Variants in KIAA2013 observed in about 807,000 individuals in gnomAD.
The protein encoded by KIAA2013 is uncharacterized protein KIAA2013.
KIAA2013 carries 20 observed loss-of-function variants against 39.9 expected under a neutral mutation model. The observed-to-expected ratio is 0.50, with a 90% CI of 0.35 to 0.73. The LOEUF (loss-of-function observed/expected upper bound fraction) is 0.73. Ranked by LOEUF, KIAA2013 falls within the 30% of genes least tolerant of loss-of-function variation. KIAA2013 has a pLI of 0.01. For synonymous variants in KIAA2013, 336 were observed against 416.6 expected (o/e 0.81, Z 2.35); for missense variants, 587 against 856.1 (o/e 0.69, Z 3.92).
Position 11,925,657 on chromosome 1 carries a change from G to A in KIAA2013, c.581C>T (p.Ala194Val). ...GTAGACGTGGGGTCGGCCCCTGTGC[G>A]CCAGAAAGTCCTCTTGCAGCAGCAC... ...DCVLLQEDFLAHRGRPHVYLQ... is the reference protein window; with the variant it reads ...DCVLLQEDFLVHRGRPHVYLQ... The change falls in exon 1 of 3, where the codon GCG becomes GTG. Residue 194 changes from alanine (A) to valine (V), a missense_variant. Coordinates refer to ENST00000376572, the MANE Select transcript of KIAA2013 (RefSeq NM_138346.3). This position sits in a 1 kb window ranked among gnomAD's most constrained non-coding sequence, Gnocchi z 5.2. 3.1e-6 allele frequency: 5 copies of A among 1,607,770 alleles called. No individual in the cohort carries two copies. Among genetic ancestry groups the A allele is most frequent in the African/African-American group, 1.3e-5 (1 of 74,988 alleles).
chr1:11,925,451 C>G lies in KIAA2013; in HGVS notation c.787G>C (p.Val263Leu), dbSNP rs771702410. Residue 263 changes from valine to leucine, a missense_variant, in exon 1 of 3, where the codon GTG becomes CTG. Val to Leu is a conservative substitution (Grantham distance 32). Transcript: ENST00000376572. The surrounding 1 kb of genome is among the most constrained non-coding windows in gnomAD (Gnocchi z 5.2). ...PTPTGLVHLV[V>L]VAAKKLVNRL... The stretch of plus-strand genomic sequence containing the variant: ...TTCACCAGCTTCTTGGCGGCCACCA[C>G]CACCAGGTGCACCAACCCAGTGGGC... 44 of 1,611,322 alleles carry G rather than the reference C, an allele frequency of 2.7e-5. No individual in the cohort carries two copies. The highest frequency in any genetic ancestry group is 4.2e-6 in the Non-Finnish European group (5 of 1,178,878).
chr1:11,925,255 G>A lies in KIAA2013; in HGVS notation c.983C>T (p.Ala328Val), dbSNP rs552307771. The A allele has an allele frequency of 1.1e-4, 183 of 1,608,596 alleles. 1 individual carries two copies. The South Asian group carries it at 1.8e-3, about 16-fold the overall frequency. The change falls in exon 1 of 3, where the codon GCG becomes GTG. Residue 328 changes from alanine (A) to valine (V), a missense_variant. Physicochemically the swap from Ala to Val is moderately conservative, Grantham distance 64. Transcript: ENST00000376572. This position sits in a 1 kb window ranked among gnomAD's most constrained non-coding sequence, Gnocchi z 5.2. ...GAGCTGGTGGTCTTGAAGCAGCTCC[G>A]CCGCTGGCATGTCCAAGAGCTCCAG... ...EMLELLDMPA[A>V]ELLQDHQLLW... is the part of the protein sequence containing the mutation.
intron 2 of KIAA2013, among the ~76,000 whole-genome samples, chr1:11,921,922 A>C (rs569095888): frequency 6.6e-6 from 1 of 152,206 alleles, no homozygotes; most frequent in African/African-American, 2.4e-5. Flanking sequence ...ATCACAGCTC[A>C]CTGCAGTCTC....
chr1:11,921,893 G>T (rs1469142841), intron 2 of KIAA2013, among the ~76,000 whole-genome samples: 1 of 152,010 alleles, frequency 6.6e-6, no homozygotes, highest in African/African-American at 2.4e-5. Context: ...TGTCACCTGG[G>T]ATGGAGTGCA....
At position 11,919,638 on chromosome 1, in the gene KIAA2013, G is replaced by A. The variant is rs1056095484; in HGVS notation, c.*677C>T. On this transcript the variant is annotated 3_prime_UTR_variant, in exon 3 of 3. Coordinates refer to ENST00000376572, the MANE Select transcript of KIAA2013 (RefSeq NM_138346.3). The stretch of plus-strand genomic sequence containing the variant: ...TTAAAAACAGAACAAAAAAGCTTTG[G>A]TATTTCAAAACCTGACAATCATCAA... 1 of 152,238 alleles carries A rather than the reference G, an allele frequency of 6.6e-6. No individual in the cohort carries two copies. The highest frequency in any genetic ancestry group is 2.4e-5 in the African/African-American group (1 of 41,422). The allele number at this position is 152,238 out of a possible 1,614,324, so 9.4% of individuals were successfully genotyped here. A position where few individuals can be genotyped will look rare whatever the true frequency, so the allele number is the denominator to read the frequency against.
chr1:11,925,725 G>T lies in KIAA2013; in HGVS notation c.513C>A (p.Pro171=), dbSNP rs1346253880. The part of the protein sequence containing the change: ...GPGPVAAGPG[P]ASVSGLAAGS... Reference sequence around the variant, plus strand: ...CCGCGGCAAGGCCAGAGACGGAGGCGGGCCCGGGGCCGGCGGCCACGGGGC... The same window carrying T: ...CCGCGGCAAGGCCAGAGACGGAGGCTGGCCCGGGGCCGGCGGCCACGGGGC... The change falls in exon 1 of 3, where the codon CCC becomes CCA. Residue 171 remains proline (P), a synonymous_variant. Coordinates refer to ENST00000376572, the MANE Select transcript of KIAA2013 (RefSeq NM_138346.3). This position sits in a 1 kb window ranked among gnomAD's most constrained non-coding sequence, Gnocchi z 5.2. 13 of 1,552,082 alleles carry T rather than the reference G, an allele frequency of 8.4e-6. No homozygotes were observed. Among genetic ancestry groups the T allele is most frequent in the Non-Finnish European group, 1.0e-5 (12 of 1,157,658 alleles).
At position 11,925,531 on chromosome 1, in the gene KIAA2013, A is replaced by T. The variant is rs777282550; in HGVS notation, c.707T>A (p.Leu236Gln). The T allele has an allele frequency of 8.1e-6, 13 of 1,604,486 alleles. No individual in the cohort carries two copies. Reference protein sequence around the residue: ...GPAPKAFTSTLEKVGDHQFLL... With the variant: ...GPAPKAFTSTQEKVGDHQFLL... ...GAACTGATGGTCTCCGACCTTCTCC[A>T]GGGTACTGGTGAAGGCCTTGGGGGC... Residue 236 changes from leucine (L) to glutamine (Q), a missense_variant, in exon 1 of 3, where the codon CTG (leucine) becomes CAG (glutamine). By Grantham distance (113) the Leu-to-Gln change is moderately radical. Transcript: ENST00000376572. The surrounding 1 kb of genome is among the most constrained non-coding windows in gnomAD (Gnocchi z 5.2).
At chr1:11,924,884 C>A (rs1293231475) in intron 1 of KIAA2013, among the ~76,000 whole-genome samples, 4 of 152,184 alleles carry the variant, frequency 2.6e-5, no homozygotes, top group African/African-American at 9.7e-5. Flanking sequence ...CCTCTGCAAA[C>A]TGACTCTAAA....
At chr1:11,924,987 AAAAC>A (rs1278954896) in intron 1 of KIAA2013, among the ~76,000 whole-genome samples, 2 of 152,210 alleles carry the variant, frequency 1.3e-5, no homozygotes, top group African/African-American at 2.4e-5. Context: ...CAGTCTCATA[AAAAC>A]CTTCTGAGGT....
Position 11,925,209 on chromosome 1 carries a change from G to A in KIAA2013, c.1029C>T (p.Ser343=), listed in dbSNP as rs1645498315. 1.9e-6 allele frequency: 3 copies of A among 1,578,202 alleles called. No homozygotes were observed. The highest frequency in any genetic ancestry group is 1.3e-5 in the African/African-American group (1 of 74,144). The change falls in exon 1 of 3, where the codon AGC becomes AGT. Residue 343 remains serine, a synonymous_variant. Transcript: ENST00000376572. This position sits in a 1 kb window ranked among gnomAD's most constrained non-coding sequence, Gnocchi z 5.2. Reference sequence around the variant, plus strand: ...CAAGCGCTGGCCAGGACTCACCTGGGCTGAAGAGCTGAGCCCAGAGGAGCT... The same window carrying A: ...CAAGCGCTGGCCAGGACTCACCTGGACTGAAGAGCTGAGCCCAGAGGAGCT... The part of the protein sequence containing the change: ...DHQLLWAQLF[S]PGVEMKKITD...
Position 11,925,687 on chromosome 1 carries a change from T to A in KIAA2013, c.551A>T (p.Asp184Val), listed in dbSNP as rs751115982. The change falls in exon 1 of 3, where the codon GAC becomes GTC. Residue 184 changes from aspartate (D) to valine (V), a missense_variant. By Grantham distance (152) the Asp-to-Val change is radical. Transcript: ENST00000376572. This position sits in a 1 kb window ranked among gnomAD's most constrained non-coding sequence, Gnocchi z 5.2. ...VSGLAAGSGR[D>V]CVLLQEDFLA... Reference sequence around the variant, plus strand: ...AAAGTCCTCTTGCAGCAGCACGCAGTCGCGGCCGGACCCCGCGGCAAGGCC... The same window carrying A: ...AAAGTCCTCTTGCAGCAGCACGCAGACGCGGCCGGACCCCGCGGCAAGGCC... 6.3e-7 allele frequency: 1 copy of A among 1,597,450 alleles called. No individual in the cohort carries two copies. Among genetic ancestry groups the A allele is most frequent in the South Asian group, 1.1e-5 (1 of 89,102 alleles).
intron 2 of KIAA2013, among the ~76,000 whole-genome samples, chr1:11,921,292 A>T (rs1471062966): frequency 6.6e-6 from 1 of 152,182 alleles, no homozygotes; most frequent in Non-Finnish European, 1.5e-5. Flanking sequence ...ACAGTCTTGC[A>T]GCAATGATGG....
In KIAA2013 at chr1:11,926,115, C is replaced by T. The variant is rs1012693864; in HGVS notation, c.123G>A (p.Arg41=). 27 of 1,402,670 alleles carry T rather than the reference C, an allele frequency of 1.9e-5. No homozygotes were observed. In the African/African-American group the frequency reaches 3.3e-4, roughly 17 times the overall value. 86.9% of individuals were successfully genotyped at this position (1,402,670 alleles called of 1,614,324 possible). A position where few individuals can be genotyped will look rare whatever the true frequency, so the allele number is the denominator to read the frequency against. ...GCAGGTGCAGGCCGCCCGCCGCCCG[C>T]CGCGCGCCGGACCCCCCAAACCACA... The part of the protein sequence containing the change: ...LLLWFGGSGA[R]RAAGGLHLLP... Residue 41 remains arginine, a synonymous_variant, in exon 1 of 3, where the codon CGG becomes CGA. Transcript: ENST00000376572.
rs33910280 is a variant in KIAA2013 at position 11,922,984 on chromosome 1, G to A, written c.1539C>T (p.Ser513=). ...CATAGATCTTGACAGGCTGGCCACG[G>A]GACTCCACGGACACGTGTAGGTAGG... is the stretch of plus-strand genomic sequence containing the variant. The part of the protein sequence containing the change: ...GKPYLHVSVE[S]RGQPVKIYAC... Residue 513 remains serine (S), a synonymous_variant, in exon 2 of 3, where the codon TCC becomes TCT. Transcript: ENST00000376572. 75,234 of 1,612,684 alleles carry A rather than the reference G, an allele frequency of 0.047. 1,975 individuals carry two copies. Among genetic ancestry groups the A allele is most frequent in the Middle Eastern group, 0.061 (364 of 6,010 alleles).
At chr1:11,921,630 A>G (rs1364655056) in intron 2 of KIAA2013, among the ~76,000 whole-genome samples, 1 of 151,216 alleles carries the variant, frequency 6.6e-6, no homozygotes. Flanking sequence ...GGTCACTGCA[A>G]CCTCCGTCTC....
intron 2 of KIAA2013, 115 bp downstream of exon 2, chr1:11,922,521 A>G: frequency 6.4e-7 from 1 of 1,550,690 alleles, no homozygotes; most frequent in Non-Finnish European, 8.7e-7. Context: ...TGAGGGCATC[A>G]GGACACCCAT....
intron 2 of KIAA2013, 115 bp from the exon 3 acceptor site, chr1:11,920,447 C>CAGAG: frequency 9.2e-7 from 1 of 1,083,490 alleles, no homozygotes. Context: ...TCTGACCCAG[C>CAGAG]CTTGCAGAAT....
rs370330114 is a variant in KIAA2013 at position 11,920,364 on chromosome 1, G to C, written c.1888-32C>G. On this transcript the variant is annotated intron_variant, in intron 2 of 2. Transcript: ENST00000376572. Reference sequence around the variant, plus strand: ...AATTCACAAAACAAGTGTGATTACTGTTCACTGCCAACCCCAGTGGCCAGC... The same window carrying C: ...AATTCACAAAACAAGTGTGATTACTCTTCACTGCCAACCCCAGTGGCCAGC... 3.7e-6 allele frequency: 6 copies of C among 1,612,742 alleles called. No individual in the cohort carries two copies. In the African/African-American group the frequency reaches 8.0e-5, roughly 22 times the overall value.
intron 2 of KIAA2013, 67 bp from the exon 3 acceptor site, chr1:11,920,399 A>G (rs1440458334): frequency 6.5e-7 from 1 of 1,542,466 alleles, no homozygotes; most frequent in Non-Finnish European, 9.0e-7. Context: ...CTATAGAAAT[A>G]GGCTACGGAG....
Sources: allele counts gnomAD v4.1 joint callset (sites outside exome capture counted in the v4.1 genomes callset), GRCh38; gene constraint gnomAD v4.1.1; non-coding constraint Gnocchi (gnomAD v3.1); transcripts MANE v1.5; gene names NCBI Gene and HGNC (gene_info 2026-07-23, HGNC 2026-07-21).